WDR83: variants seen among roughly 807,000 people sequenced by gnomAD.
The protein encoded by WDR83 is WD repeat domain 83.
Under a neutral mutation model 37.7 loss-of-function variants are expected in WDR83, and 37 were observed. The observed-to-expected ratio is 0.98, with a 90% confidence interval of 0.76 to 1.29. The LOEUF (loss-of-function observed/expected upper bound fraction) is 1.29. Among genes scored for constraint, WDR83 ranks in the 50% most tolerant of loss-of-function variants. The pLI, the probability that WDR83 is intolerant of heterozygous loss-of-function variation, is 0.00. For synonymous variants in WDR83, 174 were observed against 181.1 expected, an observed-to-expected ratio of 0.96 and a Z score of 0.31; for missense variants, 445 against 414.4, an observed-to-expected ratio of 1.07 and a Z score of -0.64.
At chr19:12,670,348 GAC>G in intron 5 of WDR83, 63 bp downstream of exon 5, 1 of 1,565,464 alleles carries the variant, frequency 6.4e-7, no homozygotes, top group Non-Finnish European at 8.7e-7. Flanking sequence ...CATAGGTGGT[GAC>G]ACGGCCACCC....
chr19:12,675,395 G>A (rs2024544755), intron 10 of WDR83, 128 bp from the exon 11 acceptor site: 3 of 1,332,074 alleles, frequency 2.3e-6, no homozygotes, highest in South Asian at 1.4e-5. Context: ...ATTAGAGGCA[G>A]GTGGCTGAAG....
chr19:12,671,709 T>G (rs1178436811), intron 7 of WDR83, among the ~76,000 whole-genome samples: 4 of 150,744 alleles, frequency 2.7e-5, no homozygotes, highest in Admixed American at 1.3e-4. Context: ...AGAATTTTTG[T>G]TTTTTTTGAG....
rs746421282 is a variant in WDR83 at position 12,669,886 on chromosome 19, A to G, written c.96A>G (p.Arg32=). Residue 32 remains arginine (R), a synonymous_variant, in exon 3 of 11, where the codon CGA becomes CGG. Transcript: ENST00000418543. Reference sequence around the variant, plus strand: ...GGCAGGGGGCAGTGCGAGCCGTACGATTTAATGGTGAGCGCCTTCGTCTTC... The same window carrying G: ...GGCAGGGGGCAGTGCGAGCCGTACGGTTTAATGGTGAGCGCCTTCGTCTTC... ...DCGQGAVRAV[R]FNVDGNYCLT... The G allele has an allele frequency of 6.2e-6, 10 of 1,607,502 alleles. No homozygotes were observed. Among genetic ancestry groups the G allele is most frequent in the African/African-American group, 1.3e-5 (1 of 74,936 alleles).
chr19:12,668,714 A>G, intron 2 of WDR83, 87 bp downstream of exon 2: 6 of 1,033,612 alleles, frequency 5.8e-6, no homozygotes, highest in Non-Finnish European at 8.8e-6. Flanking sequence ...CACTGATTCC[A>G]TCTGATGCAG....
chr19:12,668,681 C>T, intron 2 of WDR83, 54 bp downstream of exon 2: 3 of 1,359,242 alleles, frequency 2.2e-6, no homozygotes, highest in Non-Finnish European at 3.1e-6. Context: ...CCGAAGCCAC[C>T]TTTCCAGACA....
Position 12,670,072 on chromosome 19 carries a change from G to A in WDR83, c.199G>A (p.Gly67Ser), listed in dbSNP as rs2024366095. Reference protein sequence around the residue: ...GTLLRTYSGHGYEVLDAAGSF... With the variant: ...GTLLRTYSGHSYEVLDAAGSF... ...GCTGCTGCGGACGTACAGCGGCCAC[G>A]GCTACGAGGTGCTGGATGCGGCCGG... The change falls in exon 4 of 11, where the codon GGC becomes AGC. Residue 67 changes from glycine (G) to serine (S), a missense_variant. Coordinates refer to ENST00000418543, the MANE Select transcript of WDR83 (RefSeq NM_001099737.3). The A allele has an allele frequency of 6.2e-7, 1 of 1,611,908 alleles. No individual in the cohort carries two copies. The highest frequency in any genetic ancestry group is 1.3e-5 in the African/African-American group (1 of 74,932).
chr19:12,667,453 G>GAAAA (rs1453721397), intron 1 of WDR83, among the ~76,000 whole-genome samples: 2 of 152,114 alleles, frequency 1.3e-5, no homozygotes, highest in African/African-American at 2.4e-5. Context: ...GTAGAGACGG[G>GAAAA]TTTGAAAACA....
intron 10 of WDR83, 92 bp downstream of exon 10, chr19:12,673,408 AT>A: frequency 7.5e-6 from 2 of 266,042 alleles, no homozygotes; most frequent in African/African-American, 5.8e-5. Flanking sequence ...GAAGGCTAGG[AT>A]CTTTTTTTTT....
intron 2 of WDR83, chr19:12,669,403 T>C (rs774680193): frequency 1.1e-5 from 17 of 1,595,848 alleles, no homozygotes; most frequent in Non-Finnish European, 1.4e-5. Flanking sequence ...TTAGTGGACA[T>C]AGCGAGTCGA....
In WDR83 at chr19:12,669,449, A is replaced by T. The variant is rs746649176; in HGVS notation, c.-36-306A>T. 2.1e-5 allele frequency: 33 copies of T among 1,563,846 alleles called. No homozygotes were observed. In the East Asian group the frequency reaches 7.8e-4, roughly 37 times the overall value. On this transcript the variant is annotated intron_variant, in intron 2 of 10. Transcript: ENST00000418543. ...ACGCCTCTTCCGCTGCAGGAATCGC[A>T]GCTTCCGGCGTGCAAGCTGAGGGCG...
rs1470856498 is a variant in WDR83 at position 12,668,989 on chromosome 19, G to C, written c.-37+362G>C. The C allele has an allele frequency of 4.7e-6, 4 of 853,382 alleles. No homozygotes were observed. In the African/African-American group the frequency reaches 5.0e-5, roughly 11 times the overall value. 52.9% of individuals were successfully genotyped at this position (853,382 alleles called of 1,614,324 possible). A position where few individuals can be genotyped will look rare whatever the true frequency, so the allele number is the denominator to read the frequency against. On this transcript the variant is annotated intron_variant, in intron 2 of 10. Transcript: ENST00000418543. ...CAAAGACTGGGGCTTTCTCGGCCCA[G>C]CGTCATCGCAGCCCCACTCCCGGCC...
chr19:12,670,698 C>T lies in WDR83; in HGVS notation c.383C>T (p.Ser128Phe), dbSNP rs779434788. The T allele has an allele frequency of 7.4e-6, 12 of 1,614,096 alleles. No homozygotes were observed. The South Asian group carries it at 9.9e-5, about 13-fold the overall frequency. ...NEEATVILSG[S>F]IDSSIRCWDC... ...CACCATCATGCTGGCCTCACAGGCT[C>T]TATTGATTCCAGTATCCGCTGTTGG... The change falls in exon 7 of 11, where the codon TCT (serine) becomes TTT (phenylalanine). Residue 128 changes from serine (S) to phenylalanine (F), a missense_variant. Ser to Phe is a radical substitution (Grantham distance 155). Coordinates refer to ENST00000418543, the MANE Select transcript of WDR83 (RefSeq NM_001099737.3).
chr19:12,673,661 C>T (rs2024487696), intron 10 of WDR83, among the ~76,000 whole-genome samples: 1 of 150,036 alleles, frequency 6.7e-6, no homozygotes, highest in East Asian at 2.0e-4. Flanking sequence ...CATGATCCAC[C>T]CACCTCAGCC....
In WDR83 at chr19:12,669,382, C is replaced by G. The variant is rs778819521; in HGVS notation, c.-36-373C>G. 1.1e-5 allele frequency: 18 copies of G among 1,601,224 alleles called. No homozygotes were observed. The East Asian group carries it at 1.4e-4, about 12-fold the overall frequency. On this transcript the variant is annotated intron_variant, in intron 2 of 10. Coordinates refer to ENST00000418543, the MANE Select transcript of WDR83 (RefSeq NM_001099737.3). ...AGCACTTTGTTCGGCCTCCGTGGGTCCGACATATTGTTAGTGGACATAGCG... is the reference window on the plus strand; with the variant it reads ...AGCACTTTGTTCGGCCTCCGTGGGTGCGACATATTGTTAGTGGACATAGCG...
chr19:12,672,999 TCCC>T lies in WDR83; in HGVS notation c.575-6_575-4del, dbSNP rs1568314657. The stretch of plus-strand genomic sequence containing the variant: ...CCACCCTCACTCACCTACCCACCCT[TCCC>T]CCAAGGCCCCATCACCTGCACCTGC... On this transcript the variant is annotated splice_region_variant and splice_polypyrimidine_tract_variant and intron_variant, in intron 8 of 10. Coordinates refer to ENST00000418543, the MANE Select transcript of WDR83 (RefSeq NM_001099737.3). 4 of 1,611,484 alleles carry T rather than the reference TCCC, an allele frequency of 2.5e-6. No individual in the cohort carries two copies. The Admixed American group carries it at 5.0e-5, about 20-fold the overall frequency.
At chr19:12,669,578 T>A in intron 2 of WDR83, 177 bp from the exon 3 acceptor site, 1 of 966,332 alleles carries the variant, frequency 1.0e-6, no homozygotes, top group Non-Finnish European at 1.5e-6. Flanking sequence ...CCAGAAGTCT[T>A]CCTTTCAAAG....
chr19:12,667,074 C>T (rs114173680), intron 1 of WDR83, 82 bp downstream of exon 1: 136 of 306,080 alleles, frequency 4.4e-4, no homozygotes, highest in African/African-American at 2.8e-3. Context: ...GGGTGTCCGT[C>T]CCATGGACCT....
At chr19:12,670,423 C>T (rs1354333466) in intron 5 of WDR83, 138 bp downstream of exon 5, 3 of 1,497,924 alleles carry the variant, frequency 2.0e-6, no homozygotes, top group Admixed American at 1.7e-5. Flanking sequence ...CCAGGCTAGG[C>T]AGTCACCAAC....
chr19:12,672,496 T>TA (rs1394572342), intron 7 of WDR83: 1 of 310,604 alleles, frequency 3.2e-6, no homozygotes, highest in Admixed American at 4.3e-5. Context: ...TATTCCCATC[T>TA]ACTCGGGAGG....
Sources: gnomAD v4.1 joint callset for allele counts (sites outside exome capture counted in the v4.1 genomes callset) on GRCh38, gnomAD v4.1.1 for gene constraint, MANE v1.5 for transcripts, NCBI Gene and HGNC (gene_info 2026-07-23, HGNC 2026-07-21) for gene names.